ATG13: variants seen among roughly 807,000 people sequenced by gnomAD.
ATG13 encodes autophagy-related protein 13.
In ATG13, 23 loss-of-function variants were observed where a neutral mutation model predicts 65.5. The observed-to-expected ratio is 0.35, with a 90% CI of 0.25 to 0.50. The LOEUF is 0.50. Ranked by LOEUF, ATG13 falls within the 20% of genes least tolerant of loss-of-function variation. The probability of loss-of-function intolerance (pLI) is 0.98; values close to 1 mark genes in which losing one functional copy is unlikely to be tolerated. For missense variants in ATG13, 566 were observed against 677.0 expected (o/e 0.84, Z 1.82); for synonymous variants, 252 against 245.2 (o/e 1.03, Z -0.26).
At chr11:46,656,314 T>C (rs1263545687) in intron 8 of ATG13, 41 bp downstream of exon 8, 1 of 1,553,688 alleles carries the variant, frequency 6.4e-7, no homozygotes, top group Non-Finnish European at 8.8e-7. Context: ...TGTTCAGAGC[T>C]CTCCTAACTT....
intron 1 of ATG13, among the ~76,000 whole-genome samples, chr11:46,628,308 A>T (rs947599401): frequency 6.6e-6 from 1 of 152,142 alleles, no homozygotes; most frequent in African/African-American, 2.4e-5. Context: ...AGGCTGAAGC[A>T]GGAGAATCAC....
intron 14 of ATG13, among the ~76,000 whole-genome samples, chr11:46,665,950 G>A (rs1027759235): frequency 2.0e-5 from 3 of 151,594 alleles, no homozygotes; most frequent in African/African-American, 4.8e-5. Flanking sequence ...GATTACGGGC[G>A]CGTGCCACCA....
At chr11:46,652,373 A>C (rs1411685959) in intron 7 of ATG13, among the ~76,000 whole-genome samples, 1 of 152,070 alleles carries the variant, frequency 6.6e-6, no homozygotes, top group East Asian at 1.9e-4. Flanking sequence ...TGGCTTTTCC[A>C]CCTGCTTTTT....
chr11:46,658,361 G>A (rs915193479), intron 10 of ATG13, among the ~76,000 whole-genome samples: 2 of 152,186 alleles, frequency 1.3e-5, no homozygotes, highest in East Asian at 3.9e-4. Context: ...ATAATTCTTT[G>A]AAAACCCAGA....
At chr11:46,647,644 T>G in intron 5 of ATG13, among the ~76,000 whole-genome samples, 1 of 151,326 alleles carries the variant, frequency 6.6e-6, no homozygotes, top group Admixed American at 6.6e-5. Context: ...CAGTCATGGC[T>G]CACTGCAGCC....
At chr11:46,663,948 T>C (rs1271624485) in intron 11 of ATG13, 49 bp from the exon 12 acceptor site, 3 of 876,988 alleles carry the variant, frequency 3.4e-6, no homozygotes, top group Non-Finnish European at 4.7e-6. Context: ...CCCTTTTCTT[T>C]TTTTTTTTTT....
At chr11:46,618,857 AC>A (rs1288615177) in intron 1 of ATG13, among the ~76,000 whole-genome samples, 1 of 151,998 alleles carries the variant, frequency 6.6e-6, no homozygotes, top group Non-Finnish European at 1.5e-5. Flanking sequence ...TTGCTGTGTT[AC>A]CCAAGCTGGA....
At position 46,670,310 on chromosome 11, in the gene ATG13, G is replaced by A. The variant is rs554387301; in HGVS notation, c.1575+778G>A. Among the ~76,000 whole-genome samples, 556 of 151,736 alleles carry A rather than the reference G, an allele frequency of 3.7e-3. 4 individuals are homozygous for A. The highest frequency in any genetic ancestry group is 0.017 in the Middle Eastern group (5 of 294). ...AGCCTGGCCAACATGGTGAAACCCCGTCTCTACTAAAAATACAAAAATTAG... is the reference window on the plus strand; with the variant it reads ...AGCCTGGCCAACATGGTGAAACCCCATCTCTACTAAAAATACAAAAATTAG... On this transcript the variant is annotated intron_variant, in intron 18 of 18. Coordinates refer to ENST00000683050, the MANE Select transcript of ATG13 (RefSeq NM_001346311.2).
intron 4 of ATG13, 148 bp from the exon 5 acceptor site, chr11:46,645,722 A>G: frequency 8.6e-7 from 1 of 1,168,790 alleles, no homozygotes; most frequent in Non-Finnish European, 1.2e-6. Flanking sequence ...GCTTTGATGC[A>G]GGATTATCCC....
chr11:46,668,714 TC>T, intron 16 of ATG13, 79 bp from the exon 17 acceptor site: 1 of 1,495,354 alleles, frequency 6.7e-7, no homozygotes, highest in Non-Finnish European at 9.3e-7. Flanking sequence ...ATTAAGTTCT[TC>T]CCAGAATTTT....
Position 46,659,427 on chromosome 11 carries a change from C to G in ATG13, c.731C>G (p.Ser244Cys). Residue 244 changes from serine to cysteine, a missense_variant, in exon 11 of 19, where the codon TCT becomes TGT. This residue lies in a region of ATG13 where 387 missense variants were observed against 409.8 expected (regional missense o/e 0.94). Coordinates refer to ENST00000683050, the MANE Select transcript of ATG13 (RefSeq NM_001346311.2). Reference sequence around the variant, plus strand: ...GAGGACACTGGAGTAATATACCCGTCTGTAGAAGACTCTCAAGAAGTGTGT... The same window carrying G: ...GAGGACACTGGAGTAATATACCCGTGTGTAGAAGACTCTCAAGAAGTGTGT... ...AGEDTGVIYPSVEDSQEVCTT... is the reference protein window; with the variant it reads ...AGEDTGVIYPCVEDSQEVCTT... 4 of 1,614,066 alleles carry G rather than the reference C, an allele frequency of 2.5e-6. No homozygotes were observed. Among genetic ancestry groups the G allele is most frequent in the Non-Finnish European group, 3.4e-6 (4 of 1,179,918 alleles).
intron 18 of ATG13, among the ~76,000 whole-genome samples, chr11:46,671,907 A>C (rs994744281): frequency 5.3e-5 from 8 of 152,178 alleles, no homozygotes. Context: ...TAATTTGTAG[A>C]GCTGTACACT....
chr11:46,669,205 A>G (rs1414103653), intron 17 of ATG13, among the ~76,000 whole-genome samples, 199 bp from the exon 18 acceptor site: 1 of 152,200 alleles, frequency 6.6e-6, no homozygotes, highest in Admixed American at 6.5e-5. Flanking sequence ...AAGGAGTGGG[A>G]CATAAACTTA....
intron 18 of ATG13, among the ~76,000 whole-genome samples, chr11:46,671,424 C>G (rs1031326700): frequency 2.6e-5 from 4 of 152,220 alleles, no homozygotes; most frequent in African/African-American, 9.6e-5. Context: ...TAACTCACCC[C>G]TTCCTCAGCT....
At chr11:46,661,629 C>T (rs935012688) in intron 11 of ATG13, among the ~76,000 whole-genome samples, 1 of 150,426 alleles carries the variant, frequency 6.6e-6, no homozygotes, top group African/African-American at 2.4e-5. Context: ...CCCAAGAGTT[C>T]AAGACCAGCC....
At chr11:46,651,886 A>G (rs1176703607) in intron 7 of ATG13, among the ~76,000 whole-genome samples, 34 of 152,192 alleles carry the variant, frequency 2.2e-4, no homozygotes, top group Non-Finnish European at 1.5e-5. Flanking sequence ...TCATCGGCTT[A>G]GTTACCTAGG....
intron 2 of ATG13, among the ~76,000 whole-genome samples, chr11:46,643,726 G>A (rs2056807981): frequency 1.3e-5 from 2 of 152,056 alleles, no homozygotes; most frequent in Non-Finnish European, 2.9e-5. Flanking sequence ...AATGTGTTGG[G>A]ATTACAGGCA....
intron 1 of ATG13, among the ~76,000 whole-genome samples, chr11:46,618,572 A>T (rs897357958): frequency 6.6e-6 from 1 of 152,230 alleles, no homozygotes; most frequent in East Asian, 1.9e-4. Flanking sequence ...CTTAGTTTAA[A>T]ACTCATCTCC....
chr11:46,637,487 C>T (rs2054370261), intron 2 of ATG13, among the ~76,000 whole-genome samples: 1 of 151,986 alleles, frequency 6.6e-6, no homozygotes, highest in Admixed American at 6.6e-5. Context: ...ATTCTCTTGC[C>T]CAAGCCTCCC....
Sources: gnomAD v4.1 joint callset for allele counts (sites outside exome capture counted in the v4.1 genomes callset) on GRCh38, gnomAD v4.1.1 for gene constraint, gnomAD v4.1.1 regional missense constraint, MANE v1.5 for transcripts, NCBI Gene and HGNC (gene_info 2026-07-23, HGNC 2026-07-21) for gene names.